Variants in PTPRE observed in about 807,000 individuals in gnomAD.
PTPRE encodes the protein receptor-type tyrosine-protein phosphatase epsilon.
A neutral mutation model predicts 102.0 loss-of-function variants in PTPRE; 51 were observed. That is an observed-to-expected ratio of 0.50 (90% CI 0.40 to 0.63). The LOEUF (loss-of-function observed/expected upper bound fraction) is 0.63. PTPRE is among the 30% of genes least tolerant of loss of function. The pLI is 0.00. For synonymous variants in PTPRE, 345 were observed against 348.2 expected (o/e 0.99, Z 0.10); for missense variants, 752 against 915.1 (o/e 0.82, Z 2.30).
rs146833028 is a variant in PTPRE at position 127,926,055 on chromosome 10, A to C, written c.-31+18746A>C. Among the ~76,000 whole-genome samples, 674 of 152,368 alleles carry C rather than the reference A, an allele frequency of 4.4e-3. 4 individuals carry two copies. Among genetic ancestry groups the C allele is most frequent in the Middle Eastern group, 0.01 (3 of 294 alleles). ...ACCATAGCTAATCCTTTTGTGAAGCAGCTAATCTTTTTAGAGAACAAATGG... is the reference window on the plus strand; with the variant it reads ...ACCATAGCTAATCCTTTTGTGAAGCCGCTAATCTTTTTAGAGAACAAATGG... On this transcript the variant is annotated intron_variant, in intron 1 of 20. Transcript: ENST00000254667.
intron 2 of PTPRE, among the ~76,000 whole-genome samples, chr10:127,988,507 A>G (rs192098075): frequency 6.6e-6 from 1 of 152,008 alleles, no homozygotes; most frequent in Non-Finnish European, 1.5e-5. Flanking sequence ...GTTTTGCCAT[A>G]TTGGCCAGGC....
intron 1 of PTPRE, among the ~76,000 whole-genome samples, chr10:127,974,401 C>T (rs894931269): frequency 3.9e-5 from 6 of 152,190 alleles, no homozygotes; most frequent in African/African-American, 9.7e-5. Flanking sequence ...TCTGGCTTCC[C>T]GGTTTTTGTT....
Position 128,077,766 on chromosome 10 carries a change from C to T in PTPRE, c.1875C>T (p.Pro625=). ...AGCAGCAGCAGACAGGCAACCACCC[C>T]ATCACCGTGCACTGCAGGTGAGCCC... ...QKQQQQTGNH[P]ITVHCSAGAG... The change falls in exon 19 of 21, where the codon CCC becomes CCT. Residue 625 remains proline, a synonymous_variant. Transcript: ENST00000254667. The T allele has an allele frequency of 6.2e-7, 1 of 1,603,186 alleles. No individual in the cohort carries two copies. The highest frequency in any genetic ancestry group is 8.5e-7 in the Non-Finnish European group (1 of 1,171,168).
At chr10:128,043,405 G>A (rs1055001695) in intron 3 of PTPRE, among the ~76,000 whole-genome samples, 1 of 152,210 alleles carries the variant, frequency 6.6e-6, no homozygotes, top group Non-Finnish European at 1.5e-5. Flanking sequence ...TCACGGTCCT[G>A]TAAGAATCTA....
intron 2 of PTPRE, among the ~76,000 whole-genome samples, chr10:128,006,043 A>C (rs946359167): frequency 2.0e-5 from 3 of 152,184 alleles, no homozygotes; most frequent in Non-Finnish European, 4.4e-5. Flanking sequence ...ACCCTAATCC[A>C]TGATGACCTC....
intron 6 of PTPRE, 71 bp from the exon 7 acceptor site, chr10:128,056,052 A>C (rs1848935744): frequency 1.3e-5 from 16 of 1,229,988 alleles, no homozygotes; most frequent in Non-Finnish European, 1.8e-5. Flanking sequence ...TCCTGTGCTC[A>C]GTAGGGAAAC....
At chr10:127,996,454 C>A (rs964621550) in intron 2 of PTPRE, among the ~76,000 whole-genome samples, 1 of 152,178 alleles carries the variant, frequency 6.6e-6, no homozygotes, top group Non-Finnish European at 1.5e-5. Flanking sequence ...TGTGTACATG[C>A]CCTGTTAAAG....
intron 8 of PTPRE, 35 bp downstream of exon 8, chr10:128,061,050 A>G: frequency 6.3e-7 from 1 of 1,589,272 alleles, no homozygotes; most frequent in Non-Finnish European, 8.6e-7. Flanking sequence ...CCCCTGGCCC[A>G]GCTGGGGCAT....
rs150908715 is a variant in PTPRE at position 128,014,452 on chromosome 10, A to T, written c.-7-26423A>T. On this transcript the variant is annotated intron_variant, in intron 2 of 20. Transcript: ENST00000254667. ...ACGGCGTGTATCGAGGGGGACATTG[A>T]CACACCCCTGTTGGGCTGGGCCAAG... Among the ~76,000 whole-genome samples, 301 of 152,216 alleles carry T rather than the reference A, an allele frequency of 2.0e-3. 6 individuals carry two copies. Among genetic ancestry groups the T allele is most frequent in the East Asian group, 8.5e-3 (44 of 5,180 alleles).
At chr10:128,051,242 C>A (rs528139458) in intron 6 of PTPRE, among the ~76,000 whole-genome samples, 1 of 152,154 alleles carries the variant, frequency 6.6e-6, no homozygotes, top group African/African-American at 2.4e-5. Flanking sequence ...AAAGAGGGGG[C>A]CACTCCCAGG....
intron 1 of PTPRE, among the ~76,000 whole-genome samples, chr10:127,971,897 G>A (rs1053990708): frequency 7.9e-5 from 12 of 152,182 alleles, no homozygotes; most frequent in Non-Finnish European, 1.5e-4. Context: ...TTCAGGTGCA[G>A]CATTGAACTT....
intron 1 of PTPRE, among the ~76,000 whole-genome samples, chr10:127,968,054 A>G (rs888905160): frequency 1.4e-5 from 2 of 140,426 alleles, no homozygotes; most frequent in Admixed American, 7.2e-5. Flanking sequence ...GTGTCCCTGG[A>G]TATAGGTCAC....
chr10:128,037,589 T>TTAAAAAGACATCAGATGGAA (rs1199605382), intron 2 of PTPRE, among the ~76,000 whole-genome samples: 4 of 152,122 alleles, frequency 2.6e-5, no homozygotes, highest in Non-Finnish European at 4.4e-5. Flanking sequence ...GTGAAGAATA[T>TTAAAAAGACATCAGATGGAA]TAAAAAGACA....
intron 2 of PTPRE, among the ~76,000 whole-genome samples, chr10:128,027,791 A>C (rs1021531375): frequency 7.9e-5 from 12 of 152,212 alleles, no homozygotes; most frequent in African/African-American, 2.7e-4. Flanking sequence ...TCTTTTTGCC[A>C]AAAGATCCTG....
chr10:128,050,830 G>T (rs1008873553), intron 6 of PTPRE, among the ~76,000 whole-genome samples: 1 of 152,230 alleles, frequency 6.6e-6, no homozygotes, highest in African/African-American at 2.4e-5. Context: ...TTGTGCAGTT[G>T]TTATATCTGA....
chr10:128,058,955 T>G (rs1378265501), intron 7 of PTPRE, among the ~76,000 whole-genome samples: 1 of 152,174 alleles, frequency 6.6e-6, no homozygotes, highest in Non-Finnish European at 1.5e-5. Flanking sequence ...CAGGCTTGAC[T>G]TTTGCCTGTA....
intron 2 of PTPRE, among the ~76,000 whole-genome samples, chr10:128,024,502 C>T (rs759377438): frequency 5.3e-5 from 8 of 152,206 alleles, no homozygotes; most frequent in Admixed American, 3.9e-4. Context: ...AAGCTCTTTA[C>T]TTTTTATTCA....
At chr10:128,040,041 G>C (rs7908195) in intron 2 of PTPRE, among the ~76,000 whole-genome samples, 71,355 of 152,000 alleles carry the variant, frequency 0.47, 17,473 homozygotes, top group East Asian at 0.7. Flanking sequence ...TTACAATCTG[G>C]GTCTGCCCCT....
At chr10:128,057,342 T>G (rs1849072886) in intron 7 of PTPRE, among the ~76,000 whole-genome samples, 1 of 152,140 alleles carries the variant, frequency 6.6e-6, no homozygotes, top group South Asian at 2.1e-4. Context: ...CTCAAAGGGC[T>G]CCACTAAGTT....
Sources: gnomAD v4.1 joint callset for allele counts (sites outside exome capture counted in the v4.1 genomes callset) on GRCh38, gnomAD v4.1.1 for gene constraint, MANE v1.5 for transcripts, NCBI Gene and HGNC (gene_info 2026-07-23, HGNC 2026-07-21) for gene names.